The following CALN1 variants were observed in gnomAD, a reference collection of about 807,000 sequenced individuals.
The protein encoded by CALN1 is calcium-binding protein 8.
CALN1 carries 17 observed loss-of-function variants against 30.6 expected under a neutral mutation model. That is an observed-to-expected ratio of 0.56 (90% CI 0.38 to 0.83). The LOEUF (loss-of-function observed/expected upper bound fraction) is 0.83. Ranked by LOEUF, CALN1 falls within the 40% of genes least tolerant of loss-of-function variation. The pLI is 0.00. For synonymous variants in CALN1, 156 were observed against 131.4 expected (o/e 1.19, Z -1.28); for missense variants, 291 against 354.9 (o/e 0.82, Z 1.45).
At chr7:72,264,193 CT>C (rs1213245007) in intron 3 of CALN1, among the ~76,000 whole-genome samples, 2 of 152,192 alleles carry the variant, frequency 1.3e-5, no homozygotes, top group African/African-American at 4.8e-5. Context: ...GGAAGTCCCT[CT>C]GCTCTAACCT....
intron 3 of CALN1, among the ~76,000 whole-genome samples, chr7:72,275,729 T>C (rs528633700): frequency 6.6e-6 from 1 of 152,302 alleles, no homozygotes; most frequent in East Asian, 1.9e-4. Context: ...GGAGGGCTCT[T>C]AGAATTACTC....
At chr7:72,057,382 TC>T (rs946462533) in intron 4 of CALN1, among the ~76,000 whole-genome samples, 8 of 131,986 alleles carry the variant, frequency 6.1e-5, no homozygotes, top group East Asian at 2.8e-4. Flanking sequence ...TTTTAAATGT[TC>T]TTTTTTTTTT....
At chr7:72,146,656 GCCAAGTCAAT>G in intron 3 of CALN1, among the ~76,000 whole-genome samples, 1 of 152,222 alleles carries the variant, frequency 6.6e-6, no homozygotes, top group East Asian at 1.9e-4. Context: ...AGCCCACATT[GCCAAGTCAAT>G]CCTAACTCAA....
At chr7:72,053,334 T>A (rs147601726) in intron 4 of CALN1, among the ~76,000 whole-genome samples, 3 of 152,202 alleles carry the variant, frequency 2.0e-5, no homozygotes, top group African/African-American at 7.2e-5. Context: ...TGCAGATTCA[T>A]AGACACTCTG....
chr7:72,152,695 C>T (rs1283547499), intron 3 of CALN1, among the ~76,000 whole-genome samples: 1 of 152,102 alleles, frequency 6.6e-6, no homozygotes, highest in Non-Finnish European at 1.5e-5. Context: ...CTTCAATTCC[C>T]AGCTACCAGC....
At chr7:71,905,052 C>A (rs1299492471) in intron 5 of CALN1, among the ~76,000 whole-genome samples, 2 of 152,126 alleles carry the variant, frequency 1.3e-5, no homozygotes, top group African/African-American at 4.8e-5. Context: ...AATTCTCCTG[C>A]CTCAGCCTCC....
intron 1 of CALN1, among the ~76,000 whole-genome samples, chr7:72,408,839 G>A (rs552830401): frequency 6.6e-6 from 1 of 151,584 alleles, no homozygotes; most frequent in Non-Finnish European, 1.5e-5. Flanking sequence ...CATCACTCCT[G>A]GCTAATTTTT....
chr7:72,471,471 A>G, the CALN1 span, among the ~76,000 whole-genome samples: 1 of 152,202 alleles, frequency 6.6e-6, no homozygotes, highest in East Asian at 1.9e-4. Flanking sequence ...TCTCTCTGTC[A>G]CTGGGCACAT....
rs539736897 is a variant in CALN1, at chr7:72,069,266, T to C, written c.388+36885A>G. 5.9e-5 allele frequency among the ~76,000 whole-genome samples: 9 copies of C among 152,336 alleles called. No homozygotes were observed. In the South Asian group the frequency reaches 1.9e-3, roughly 32 times the overall value. Reference sequence around the variant, plus strand: ...GCTGCTCAGGCAGACACCAACCTAATGGGACACTGGCCTTGGTGGATGGGT... The same window carrying C: ...GCTGCTCAGGCAGACACCAACCTAACGGGACACTGGCCTTGGTGGATGGGT... On this transcript the variant is annotated intron_variant, in intron 4 of 6. Coordinates refer to ENST00000395275, the MANE Select transcript of CALN1 (RefSeq NM_031468.4).
chr7:72,056,481 A>G (rs1480000877), intron 4 of CALN1, among the ~76,000 whole-genome samples: 1 of 152,160 alleles, frequency 6.6e-6, no homozygotes, highest in Non-Finnish European at 1.5e-5. Flanking sequence ...CAGGTAAAGA[A>G]CTTGAAAGGA....
intron 3 of CALN1, among the ~76,000 whole-genome samples, chr7:72,226,805 G>A (rs761216602): frequency 4.6e-5 from 7 of 152,176 alleles, no homozygotes; most frequent in Non-Finnish European, 7.3e-5. Flanking sequence ...CACTTTGGGA[G>A]GCCAAGGTGA....
intron 5 of CALN1, among the ~76,000 whole-genome samples, chr7:71,898,012 GGGGGGGGAGAGAGAGAGAGAGAGA>G (rs1793640317): frequency 2.7e-5 from 2 of 74,102 alleles, no homozygotes; most frequent in African/African-American, 1.4e-4. Context: ...AGGGAGGGAG[GGGGGGGGAGAGAGAGAGAGAGAGA>G]GAGAATGTTG....
chr7:72,144,042 C>G (rs1460043322), intron 3 of CALN1, among the ~76,000 whole-genome samples: 19 of 151,906 alleles, frequency 1.3e-4, no homozygotes, highest in Non-Finnish European at 2.4e-4. Flanking sequence ...TAAAGACCAT[C>G]GAGGCTAGGA....
At chr7:72,095,246 T>C (rs756470992) in intron 4 of CALN1, among the ~76,000 whole-genome samples, 2 of 152,090 alleles carry the variant, frequency 1.3e-5, no homozygotes, top group African/African-American at 2.4e-5. Context: ...AGTAAGTTAA[T>C]AAATAAAGTG....
chr7:71,982,196 T>C (rs10232654), intron 5 of CALN1, among the ~76,000 whole-genome samples: 129 of 152,284 alleles, frequency 8.5e-4, no homozygotes, highest in African/African-American at 3.0e-3. Context: ...TCTGTGATAT[T>C]ATCAGGGTCA....
At chr7:72,037,372 C>A (rs1166656049) in intron 4 of CALN1, among the ~76,000 whole-genome samples, 2 of 151,988 alleles carry the variant, frequency 1.3e-5, no homozygotes, top group Non-Finnish European at 2.9e-5. Flanking sequence ...GGATGGTCTC[C>A]ATCTCCTGAC....
At chr7:71,829,149 C>T (rs976267948) in intron 5 of CALN1, among the ~76,000 whole-genome samples, 6 of 152,272 alleles carry the variant, frequency 3.9e-5, no homozygotes, top group Non-Finnish European at 5.9e-5. Flanking sequence ...GTCACAGGTA[C>T]GCGTCCTTAA....
Position 71,779,907 on chromosome 7 carries a change from C to T in CALN1, c.*7868G>A, listed in dbSNP as rs1179135319. On this transcript the variant is annotated 3_prime_UTR_variant, in exon 7 of 7. Transcript: ENST00000395275. ...AATCGTCCTGGCCATGATCAATCCCCAGCTGTGCTTCTATTTACACCCAAC... is the reference window on the plus strand; with the variant it reads ...AATCGTCCTGGCCATGATCAATCCCTAGCTGTGCTTCTATTTACACCCAAC... 6.6e-6 allele frequency: 1 copy of T among 152,158 alleles called. No homozygotes were observed. Among genetic ancestry groups the T allele is most frequent in the African/African-American group, 2.4e-5 (1 of 41,414 alleles). The allele number at this position is 152,158 out of a possible 1,614,324, so 9.4% of individuals were successfully genotyped here. A position where few individuals can be genotyped will look rare whatever the true frequency, so the allele number is the denominator to read the frequency against.
intron 3 of CALN1, among the ~76,000 whole-genome samples, chr7:72,107,394 A>G (rs1807251219): frequency 6.6e-6 from 1 of 152,240 alleles, no homozygotes; most frequent in African/African-American, 2.4e-5. Flanking sequence ...CCTCAGATCA[A>G]TAAGAGCATC....
Sources: gnomAD v4.1 joint callset for allele counts (sites outside exome capture counted in the v4.1 genomes callset) on GRCh38, gnomAD v4.1.1 for gene constraint, MANE v1.5 for transcripts, NCBI Gene and HGNC (gene_info 2026-07-23, HGNC 2026-07-21) for gene names.